Variants in MYO1B observed in about 807,000 individuals in gnomAD.
The protein encoded by MYO1B is myosin IB.
A neutral mutation model predicts 159.7 loss-of-function variants in MYO1B; 72 were observed. That is an observed-to-expected ratio of 0.45 (90% CI 0.37 to 0.55). MYO1B has a LOEUF of 0.55. Among genes scored for constraint, MYO1B ranks in the 20% least tolerant of loss-of-function variants. The pLI is 0.00. For missense variants in MYO1B, 1,062 were observed against 1,364.8 expected (o/e 0.78, Z 3.50); for synonymous variants, 468 against 473.8 (o/e 0.99, Z 0.16).
At chr2:191,267,145 GTTGAA>G (rs1262275429) in intron 1 of MYO1B, among the ~76,000 whole-genome samples, 1 of 152,136 alleles carries the variant, frequency 6.6e-6, no homozygotes, top group African/African-American at 2.4e-5. Flanking sequence ...TAACCAGAAT[GTTGAA>G]TTAATAGCCC....
chr2:191,341,096 C>A (rs930952075), intron 4 of MYO1B, among the ~76,000 whole-genome samples: 2 of 152,012 alleles, frequency 1.3e-5, no homozygotes, highest in South Asian at 2.1e-4. Context: ...TTTAAAAATA[C>A]GTTTGGTAAA....
At chr2:191,315,157 GTCCATCCATCCATCCATCCA>G (rs5837229) in intron 3 of MYO1B, among the ~76,000 whole-genome samples, 4 of 149,956 alleles carry the variant, frequency 2.7e-5, no homozygotes, top group Non-Finnish European at 5.9e-5. Flanking sequence ...CCGTCCGTCC[GTCCATCCATCCATCCATCCA>G]TCCATCCATC....
intron 1 of MYO1B, among the ~76,000 whole-genome samples, chr2:191,250,558 G>A (rs6749787): frequency 1 from 151,742 of 152,330 alleles, 75,580 homozygotes; most frequent in East Asian, 1. Flanking sequence ...AAAGGCTCTT[G>A]TGGACAAGAC....
intron 7 of MYO1B, among the ~76,000 whole-genome samples, chr2:191,356,440 A>G (rs1014660062): frequency 2.0e-5 from 3 of 151,712 alleles, no homozygotes; most frequent in Non-Finnish European, 4.4e-5. Context: ...TAGCAATACA[A>G]CTGAAATTTC....
chr2:191,416,147 C>G lies in MYO1B; in HGVS notation c.3192C>G (p.Leu1064=). The G allele has an allele frequency of 6.2e-7, 1 of 1,614,168 alleles. No individual in the cohort carries two copies. Among genetic ancestry groups the G allele is most frequent in the Non-Finnish European group, 8.5e-7 (1 of 1,180,024 alleles). Residue 1064 remains leucine (L), a synonymous_variant, in exon 30 of 31, where the codon CTC becomes CTG. Coordinates refer to ENST00000392318, the MANE Select transcript of MYO1B (RefSeq NM_001130158.3). Reference sequence around the variant, plus strand: ...AAGCAGCTAGTAAAGGAGACTTTCTCTTCAGCAGTGATCACCTGATTGAAA... The same window carrying G: ...AAGCAGCTAGTAAAGGAGACTTTCTGTTCAGCAGTGATCACCTGATTGAAA... The part of the protein sequence containing the change: ...GSEAASKGDF[L]FSSDHLIEMA...
chr2:191,294,132 T>G (rs1688845332), intron 2 of MYO1B, among the ~76,000 whole-genome samples: 1 of 152,134 alleles, frequency 6.6e-6, no homozygotes, highest in African/African-American at 2.4e-5. Context: ...TCAGTATGTG[T>G]AACAGTCACA....
At chr2:191,269,678 G>T (rs1335065324) in intron 1 of MYO1B, among the ~76,000 whole-genome samples, 2 of 152,180 alleles carry the variant, frequency 1.3e-5, no homozygotes, top group African/African-American at 4.8e-5. Flanking sequence ...TGGGTGGTGT[G>T]GGCTGGGGAA....
At chr2:191,280,214 G>A (rs1237993467) in intron 2 of MYO1B, among the ~76,000 whole-genome samples, 2 of 152,168 alleles carry the variant, frequency 1.3e-5, no homozygotes, top group Admixed American at 6.5e-5. Flanking sequence ...TCATCCTGTC[G>A]TACTAAACCT....
chr2:191,298,452 C>G (rs891114776), intron 3 of MYO1B, among the ~76,000 whole-genome samples: 1 of 152,180 alleles, frequency 6.6e-6, no homozygotes, highest in East Asian at 1.9e-4. Context: ...GTGCTTGGAC[C>G]AATTGTATCA....
intron 4 of MYO1B, among the ~76,000 whole-genome samples, chr2:191,339,369 A>G (rs1318944053): frequency 6.6e-6 from 1 of 152,214 alleles, no homozygotes; most frequent in Non-Finnish European, 1.5e-5. Context: ...ATGGCTCAGG[A>G]CAGCCTGAAT....
rs929771979 is a variant in MYO1B at position 191,402,484 on chromosome 2, TG to T, written c.2470-145del. The T allele has an allele frequency of 3.1e-5, 21 of 684,112 alleles. No individual in the cohort carries two copies. The African/African-American group carries it at 3.6e-4, about 12-fold the overall frequency. 42.4% of individuals were successfully genotyped at this position (684,112 alleles called of 1,614,324 possible). ...CTGCACCAGCCTGACACCAATTCTTTGGGTTTAAATTGTTATGCACTGTTCC... is the reference window on the plus strand; with the variant it reads ...CTGCACCAGCCTGACACCAATTCTTTGGTTTAAATTGTTATGCACTGTTCC... On this transcript the variant is annotated intron_variant, in intron 23 of 30. Transcript: ENST00000392318.
chr2:191,268,554 G>T (rs149901652), intron 1 of MYO1B, among the ~76,000 whole-genome samples: 225 of 152,266 alleles, frequency 1.5e-3, no homozygotes, highest in Non-Finnish European at 2.7e-3. Context: ...TTTAAGTTGG[G>T]GGGTATTTAT....
At chr2:191,355,136 G>T (rs1002666733) in intron 7 of MYO1B, among the ~76,000 whole-genome samples, 2 of 152,160 alleles carry the variant, frequency 1.3e-5, no homozygotes, top group African/African-American at 2.4e-5. Flanking sequence ...GAATGAGCTT[G>T]GGTTAGCTGC....
intron 1 of MYO1B, among the ~76,000 whole-genome samples, chr2:191,261,048 TTC>T (rs1219303277): frequency 6.6e-6 from 1 of 152,184 alleles, no homozygotes; most frequent in Non-Finnish European, 1.5e-5. Context: ...TTTGTTGGTG[TTC>T]TCTTTTTCTC....
intron 1 of MYO1B, among the ~76,000 whole-genome samples, chr2:191,275,361 T>TC (rs1687688845): frequency 6.6e-6 from 1 of 152,090 alleles, no homozygotes; most frequent in Non-Finnish European, 1.5e-5. Flanking sequence ...CTCTCTTTTT[T>TC]GGCTTTTCAT....
chr2:191,365,628 G>C (rs1342562128), intron 11 of MYO1B, among the ~76,000 whole-genome samples: 2 of 152,164 alleles, frequency 1.3e-5, no homozygotes, highest in East Asian at 3.8e-4. Context: ...CTGAGAGCCT[G>C]TACAGCACAA....
chr2:191,399,073 G>A (rs932833004), intron 21 of MYO1B, among the ~76,000 whole-genome samples: 16 of 152,144 alleles, frequency 1.1e-4, no homozygotes, highest in Non-Finnish European at 1.5e-4. Flanking sequence ...AGACCAGCCC[G>A]GCCAACACAG....
Position 191,276,968 on chromosome 2 carries a change from C to T in MYO1B, c.73C>T (p.Pro25Ser), listed in dbSNP as rs770273327. ...AGTTGGGGATATGGTTCTTTTAGAA[C>T]CTCTCAATGAGGAGACCTTCATCAA... ...IGVGDMVLLE[P>S]LNEETFINNL... Residue 25 changes from proline to serine, a missense_variant, in exon 2 of 31, where the codon CCT becomes TCT. This residue lies in a region of MYO1B where 415 missense variants were observed against 544.0 expected (regional missense o/e 0.76). Transcript: ENST00000392318. 3 of 1,613,970 alleles carry T rather than the reference C, an allele frequency of 1.9e-6. No individual in the cohort carries two copies. The highest frequency in any genetic ancestry group is 2.5e-6 in the Non-Finnish European group (3 of 1,179,956).
intron 13 of MYO1B, among the ~76,000 whole-genome samples, chr2:191,372,324 G>A (rs979932042): frequency 1.3e-5 from 2 of 152,198 alleles, no homozygotes; most frequent in Non-Finnish European, 2.9e-5. Context: ...TAAAAAATAG[G>A]ATAATGAGGT....
Sources: gnomAD v4.1 joint callset for allele counts (sites outside exome capture counted in the v4.1 genomes callset) on GRCh38, gnomAD v4.1.1 for gene constraint, gnomAD v4.1.1 regional missense constraint, MANE v1.5 for transcripts, NCBI Gene and HGNC (gene_info 2026-07-23, HGNC 2026-07-21) for gene names.